JPT2: variants seen among roughly 807,000 people sequenced by gnomAD.
The protein encoded by JPT2 is CRAMP_1 like.
In JPT2, 9 loss-of-function variants were observed where a neutral mutation model predicts 15.9. That is an observed-to-expected ratio of 0.57 (90% CI 0.34 to 0.99). The LOEUF is 0.99. Ranked by LOEUF, JPT2 falls within the 50% of genes least tolerant of loss-of-function variation. The probability of loss-of-function intolerance (pLI) is 0.02; values close to 1 mark genes in which losing one functional copy is unlikely to be tolerated. For missense variants in JPT2, 267 were observed against 252.1 expected, an observed-to-expected ratio of 1.06 and a Z score of -0.40; for synonymous variants, 95 against 91.7, an observed-to-expected ratio of 1.04 and a Z score of -0.21.
rs543855823 is a variant in JPT2 at position 1,685,797 on chromosome 16, CTT to C, written c.193+212_193+213del. ...TTGAATTCTCCATCTGTTCTGGAGA[CTT>C]TGGTTGAATACAGGCACTGAGGACA... On this transcript the variant is annotated intron_variant, in intron 2 of 4. Coordinates refer to ENST00000248098, the MANE Select transcript of JPT2 (RefSeq NM_144570.3). 50 of 479,116 alleles carry C rather than the reference CTT, an allele frequency of 1.0e-4. 2 individuals are homozygous for C. The highest frequency in any genetic ancestry group is 9.4e-4 in the African/African-American group (46 of 49,038). 29.7% of individuals were successfully genotyped at this position (479,116 alleles called of 1,614,324 possible).
chr16:1,680,351 G>A (rs921765427), intron 1 of JPT2: 22 of 1,001,220 alleles, frequency 2.2e-5, no homozygotes, highest in Admixed American at 1.2e-4. Context: ...TGACTTTCAC[G>A]CTCCAGAAGT....
At chr16:1,680,154 C>T (rs548500484) in intron 1 of JPT2, among the ~76,000 whole-genome samples, 11 of 152,290 alleles carry the variant, frequency 7.2e-5, no homozygotes, top group South Asian at 6.2e-4. Flanking sequence ...AGAGCGAATC[C>T]GGTTTCTGGT....
rs138308417 is a variant in JPT2, at chr16:1,681,442, C to T, written c.44+3086C>T. Among the ~76,000 whole-genome samples, 1,062 of 152,210 alleles carry T rather than the reference C, an allele frequency of 7.0e-3. 9 individuals carry two copies. Among genetic ancestry groups the T allele is most frequent in the African/African-American group, 0.025 (1,027 of 41,530 alleles). ...ATAAAATTCAGAAAAGCACATAGAA[C>T]AATATTAAATATTGTGTTTCCATCA... On this transcript the variant is annotated intron_variant, in intron 1 of 4. Coordinates refer to ENST00000248098, the MANE Select transcript of JPT2 (RefSeq NM_144570.3).
chr16:1,698,872 C>A lies in JPT2; in HGVS notation c.447C>A (p.Gly149=). 2 of 1,614,200 alleles carry A rather than the reference C, an allele frequency of 1.2e-6. No individual in the cohort carries two copies. Among genetic ancestry groups the A allele is most frequent in the Middle Eastern group, 1.7e-4 (1 of 6,060 alleles). The change falls in exon 5 of 5, where the codon GGC becomes GGA. Residue 149 remains glycine (G), a synonymous_variant. Coordinates refer to ENST00000248098, the MANE Select transcript of JPT2 (RefSeq NM_144570.3). This position sits in a 1 kb window ranked among gnomAD's most constrained non-coding sequence, Gnocchi z 4.9. ...AGAAAGGCAGCGCCAGAAAAGCAGG[C>A]CCCGCCAAGGAGCAGGAGCCCATGC... ...PGEKGSARKA[G]PAKEQEPMPT...
chr16:1,685,564 T>C lies in JPT2; in HGVS notation c.170T>C (p.Ile57Thr), dbSNP rs1279555680. The C allele has an allele frequency of 6.2e-7, 1 of 1,614,014 alleles. No homozygotes were observed. Among genetic ancestry groups the C allele is most frequent in the African/African-American group, 1.3e-5 (1 of 74,908 alleles). The change falls in exon 2 of 5, where the codon ATA (isoleucine) becomes ACA (threonine). Residue 57 changes from isoleucine to threonine, a missense_variant. By Grantham distance (89) the Ile-to-Thr change is moderately conservative. Transcript: ENST00000248098. ...GGACCAACAGAAGAACCTCAGAACA[T>C]ACCCAAGAGGACAAATCCCCCAGGT... ...IFGPTEEPQN[I>T]PKRTNPPGGK... is the part of the protein sequence containing the mutation.
chr16:1,685,551 G>C lies in JPT2; in HGVS notation c.157G>C (p.Glu53Gln), dbSNP rs778368450. The stretch of plus-strand genomic sequence containing the variant: ...ATCTAATATTTTTGGACCAACAGAA[G>C]AACCTCAGAACATACCCAAGAGGAC... The part of the protein sequence containing the change: ...MASNIFGPTE[E>Q]PQNIPKRTNP... Residue 53 changes from glutamate (E) to glutamine (Q), a missense_variant, in exon 2 of 5, where the codon GAA (glutamate) becomes CAA (glutamine). Physicochemically the swap from Glu to Gln is conservative, Grantham distance 29 (BLOSUM62 2). Coordinates refer to ENST00000248098, the MANE Select transcript of JPT2 (RefSeq NM_144570.3). The C allele has an allele frequency of 6.2e-7, 1 of 1,614,134 alleles. No individual in the cohort carries two copies. The highest frequency in any genetic ancestry group is 8.5e-7 in the Non-Finnish European group (1 of 1,180,030).
intron 1 of JPT2, 81 bp downstream of exon 1, chr16:1,678,437 C>T: frequency 6.7e-6 from 2 of 296,904 alleles, no homozygotes; most frequent in Non-Finnish European, 9.8e-6. Flanking sequence ...GTCCACCAGC[C>T]GTGTGGGGTT....
Position 1,699,257 on chromosome 16 carries a change from A to G in JPT2, c.*259A>G, listed in dbSNP as rs758850633. 1.7e-6 allele frequency: 1 copy of G among 598,690 alleles called. No individual in the cohort carries two copies. Among genetic ancestry groups the G allele is most frequent in the South Asian group, 1.5e-5 (1 of 65,816 alleles). The allele number at this position is 598,690 out of a possible 1,614,324, so 37.1% of individuals were successfully genotyped here. A position where few individuals can be genotyped will look rare whatever the true frequency, so the allele number is the denominator to read the frequency against. On this transcript the variant is annotated 3_prime_UTR_variant, in exon 5 of 5. Transcript: ENST00000248098. ...GTAGTCCAGGTTTGAGAGGAACTGG[A>G]AGGGGGGTGAGGGTGGGGAGGTGGG... is the stretch of plus-strand genomic sequence containing the variant.
chr16:1,680,084 A>G (rs1163246757), intron 1 of JPT2, among the ~76,000 whole-genome samples: 1 of 152,160 alleles, frequency 6.6e-6, no homozygotes, highest in Non-Finnish European at 1.5e-5. Flanking sequence ...CATCCATGGA[A>G]CAGTGATTAT....
chr16:1,684,279 A>G (rs1484067085), intron 1 of JPT2, among the ~76,000 whole-genome samples: 1 of 152,220 alleles, frequency 6.6e-6, no homozygotes, highest in African/African-American at 2.4e-5. Flanking sequence ...TGTGCCACTC[A>G]CTGGTTTAAA....
At position 1,678,711 on chromosome 16, in the gene JPT2, G is replaced by A. The variant is rs148607961; in HGVS notation, c.44+355G>A. On this transcript the variant is annotated intron_variant, in intron 1 of 4. Coordinates refer to ENST00000248098, the MANE Select transcript of JPT2 (RefSeq NM_144570.3). Reference sequence around the variant, plus strand: ...GCGTTCCGTGGGGGGTTTCCTGGGGGCGGGGTGTGCCCGTGGGTGCGGCCC... The same window carrying A: ...GCGTTCCGTGGGGGGTTTCCTGGGGACGGGGTGTGCCCGTGGGTGCGGCCC... 2.6e-5 allele frequency among the ~76,000 whole-genome samples: 4 copies of A among 152,200 alleles called. No homozygotes were observed. In the East Asian group the frequency reaches 7.8e-4, roughly 30 times the overall value.
chr16:1,699,978 G>A lies in JPT2; in HGVS notation c.*980G>A, dbSNP rs2037169827. ...ATGCTTGGGAACCTTGGGTTCTTAGGTTTGGATTCTTTAATAATATCTAAA... is the reference window on the plus strand; with the variant it reads ...ATGCTTGGGAACCTTGGGTTCTTAGATTTGGATTCTTTAATAATATCTAAA... On this transcript the variant is annotated 3_prime_UTR_variant, in exon 5 of 5. Coordinates refer to ENST00000248098, the MANE Select transcript of JPT2 (RefSeq NM_144570.3). 3 of 311,044 alleles carry A rather than the reference G, an allele frequency of 9.6e-6. No homozygotes were observed. The highest frequency in any genetic ancestry group is 7.7e-5 in the South Asian group (3 of 38,894). 19.3% of individuals were successfully genotyped at this position (311,044 alleles called of 1,614,324 possible).
intron 1 of JPT2, among the ~76,000 whole-genome samples, chr16:1,683,263 A>C (rs565495835): frequency 6.6e-5 from 10 of 152,158 alleles, no homozygotes; most frequent in Non-Finnish European, 1.5e-4. Flanking sequence ...GGCGTGAGCC[A>C]CCACGCCTGG....
At position 1,693,380 on chromosome 16, in the gene JPT2, AGCCAC is replaced by A. The variant is rs2037117947; in HGVS notation, c.336+1396_336+1400del. ...CCAAAGTGCTGGGATTACAAATGTGAGCCACTGTGCCCTGCCATGCTGTCTGAGTT... is the reference window on the plus strand; with the variant it reads ...CCAAAGTGCTGGGATTACAAATGTGATGTGCCCTGCCATGCTGTCTGAGTT... On this transcript the variant is annotated intron_variant, in intron 3 of 4. Transcript: ENST00000248098. 2.0e-5 allele frequency among the ~76,000 whole-genome samples: 3 copies of A among 152,224 alleles called. No individual in the cohort carries two copies. In the South Asian group the frequency reaches 6.2e-4, roughly 32 times the overall value.
chr16:1,698,893 C>T lies in JPT2; in HGVS notation c.468C>T (p.Pro156=). The T allele has an allele frequency of 6.2e-7, 1 of 1,614,234 alleles. No homozygotes were observed. The highest frequency in any genetic ancestry group is 8.5e-7 in the Non-Finnish European group (1 of 1,180,038). Residue 156 remains proline (P), a synonymous_variant, in exon 5 of 5, where the codon CCC becomes CCT. Coordinates refer to ENST00000248098, the MANE Select transcript of JPT2 (RefSeq NM_144570.3). This position sits in a 1 kb window ranked among gnomAD's most constrained non-coding sequence, Gnocchi z 4.9. ...RKAGPAKEQE[P]MPTVDSHEPR... is the part of the protein sequence containing the mutation. ...CAGGCCCCGCCAAGGAGCAGGAGCC[C>T]ATGCCCACAGTCGACAGCCATGAGC...
Position 1,693,246 on chromosome 16 carries a change from A to G in JPT2, c.336+1261A>G, listed in dbSNP as rs1293357068. Among the ~76,000 whole-genome samples, 7 of 152,184 alleles carry G rather than the reference A, an allele frequency of 4.6e-5. No individual in the cohort carries two copies. The East Asian group carries it at 1.4e-3, about 29-fold the overall frequency. ...CGAGTAGCCAGTGTTACATGCATGCACCACCACGTCCGGCTAATTTTTGTA... is the reference window on the plus strand; with the variant it reads ...CGAGTAGCCAGTGTTACATGCATGCGCCACCACGTCCGGCTAATTTTTGTA... On this transcript the variant is annotated intron_variant, in intron 3 of 4. Coordinates refer to ENST00000248098, the MANE Select transcript of JPT2 (RefSeq NM_144570.3).
chr16:1,684,994 A>G (rs962594941), intron 1 of JPT2, among the ~76,000 whole-genome samples: 4 of 152,114 alleles, frequency 2.6e-5, no homozygotes, highest in Non-Finnish European at 4.4e-5. Flanking sequence ...TCATACCAGT[A>G]TTAACTAATG....
intron 1 of JPT2, among the ~76,000 whole-genome samples, chr16:1,684,825 C>T (rs1217502040): frequency 4.0e-5 from 6 of 151,222 alleles, no homozygotes. Context: ...GCTGGAGAAT[C>T]ACTTGAACCC....
intron 2 of JPT2, among the ~76,000 whole-genome samples, chr16:1,690,900 G>A (rs2037099696): frequency 6.6e-6 from 1 of 152,220 alleles, no homozygotes; most frequent in South Asian, 2.1e-4. Flanking sequence ...AACTCACTGA[G>A]CTTTCTTCCA....
Sources: gnomAD v4.1 joint callset for allele counts (sites outside exome capture counted in the v4.1 genomes callset) on GRCh38, gnomAD v4.1.1 for gene constraint, Gnocchi (gnomAD v3.1) non-coding constraint, MANE v1.5 for transcripts, NCBI Gene and HGNC (gene_info 2026-07-23, HGNC 2026-07-21) for gene names.